DLGAP2: variants seen among roughly 807,000 people sequenced by gnomAD.
The protein encoded by DLGAP2 is disks large-associated protein 2.
A neutral mutation model predicts 100.3 loss-of-function variants in DLGAP2; 26 were observed. The observed-to-expected ratio is 0.26, with a 90% CI of 0.19 to 0.36. The LOEUF is 0.36. Among genes scored for constraint, DLGAP2 ranks in the 10% least tolerant of loss-of-function variants. The pLI is 1.00. For synonymous variants in DLGAP2, 886 were observed against 630.1 expected (o/e 1.41, Z -6.08); for missense variants, 1,858 against 1,453.2 (o/e 1.28, Z -4.53).
At chr8:884,649 G>C (rs1348897317) in intron 1 of DLGAP2, among the ~76,000 whole-genome samples, 1 of 151,452 alleles carries the variant, frequency 6.6e-6, no homozygotes, top group Non-Finnish European at 1.5e-5. Context: ...GATCCCATTT[G>C]CCAATTTTGG....
chr8:1,501,398 A>G lies in DLGAP2; in HGVS notation c.139A>G (p.Ile47Val). The G allele has an allele frequency of 1.3e-6, 2 of 1,535,822 alleles. No homozygotes were observed. The highest frequency in any genetic ancestry group is 1.7e-4 in the Middle Eastern group (1 of 5,984). ...EEAGDLVQPG[I>V]SFPGPAEEDL... Reference sequence around the variant, plus strand: ...AGCTGGAGACTTGGTCCAGCCGGGCATCAGCTTTCCGGGGCCGGCAGAGGA... The same window carrying G: ...AGCTGGAGACTTGGTCCAGCCGGGCGTCAGCTTTCCGGGGCCGGCAGAGGA... The change falls in exon 4 of 15, where the codon ATC (isoleucine) becomes GTC (valine). Residue 47 changes from isoleucine to valine, a missense_variant. By Grantham distance (29) the Ile-to-Val change is conservative. Transcript: ENST00000637795.
At chr8:810,908 G>A (rs1796358350) in intron 1 of DLGAP2, among the ~76,000 whole-genome samples, 1 of 152,216 alleles carries the variant, frequency 6.6e-6, no homozygotes, top group Admixed American at 6.5e-5. Context: ...TGTCAATGTT[G>A]ACATCTAGAG....
At chr8:1,320,486 C>T (rs1018834592) in intron 3 of DLGAP2, among the ~76,000 whole-genome samples, 4 of 152,122 alleles carry the variant, frequency 2.6e-5, no homozygotes, top group Non-Finnish European at 5.9e-5. Flanking sequence ...CATCAGGAGC[C>T]GGGCAGACGG....
chr8:866,847 A>G (rs1273299765), intron 1 of DLGAP2, among the ~76,000 whole-genome samples: 1 of 151,970 alleles, frequency 6.6e-6, no homozygotes, highest in East Asian at 1.9e-4. Flanking sequence ...GCTCCCTGTG[A>G]CTTGTTGGGA....
At chr8:1,092,353 C>T (rs1804213305) in intron 2 of DLGAP2, among the ~76,000 whole-genome samples, 1 of 152,224 alleles carries the variant, frequency 6.6e-6, no homozygotes, top group South Asian at 2.1e-4. Flanking sequence ...CACGTGGATG[C>T]GTAGGGTCCG....
intron 2 of DLGAP2, among the ~76,000 whole-genome samples, chr8:966,731 G>A (rs1041897560): frequency 2.0e-5 from 3 of 152,118 alleles, no homozygotes; most frequent in African/African-American, 7.2e-5. Context: ...CAAACACATA[G>A]AAGCAAATGG....
chr8:1,303,152 C>A (rs140502233), intron 3 of DLGAP2, among the ~76,000 whole-genome samples: 2 of 152,184 alleles, frequency 1.3e-5, no homozygotes, highest in Non-Finnish European at 2.9e-5. Context: ...AATCCCAGCA[C>A]TTTGGAAGGC....
At chr8:1,445,161 A>G (rs1469687453) in intron 3 of DLGAP2, among the ~76,000 whole-genome samples, 1 of 149,812 alleles carries the variant, frequency 6.7e-6, no homozygotes, top group Non-Finnish European at 1.5e-5. Context: ...ACATGTATAC[A>G]TGTGCCATGC....
chr8:1,168,909 G>T (rs9693308), intron 2 of DLGAP2, among the ~76,000 whole-genome samples: 42,617 of 85,376 alleles, frequency 0.5, 11,048 homozygotes, highest in African/African-American at 0.51. Context: ...GTCAATTTTG[G>T]CTTTTGTTGC....
Position 848,842 on chromosome 8 carries a change from T to G in DLGAP2, c.19-59070T>G, listed in dbSNP as rs951595164. 2.0e-5 allele frequency among the ~76,000 whole-genome samples: 3 copies of G among 148,530 alleles called. No individual in the cohort carries two copies. In the Admixed American group the frequency reaches 2.0e-4, roughly 10 times the overall value. On this transcript the variant is annotated intron_variant, in intron 1 of 14. Coordinates refer to ENST00000637795, the MANE Select transcript of DLGAP2 (RefSeq NM_001346810.2). ...GGGTTTGTTCCAGTCTAGGATCTTG[T>G]GATGTGTGTTCCAGCATAGGATCGC...
chr8:835,521 T>C (rs997694563), intron 1 of DLGAP2, among the ~76,000 whole-genome samples: 1 of 140,188 alleles, frequency 7.1e-6, no homozygotes, highest in Non-Finnish European at 1.5e-5. Flanking sequence ...CATTTCAGGG[T>C]TTTGGTGGTG....
At chr8:956,008 T>A (rs1232998797) in intron 2 of DLGAP2, among the ~76,000 whole-genome samples, 1 of 152,150 alleles carries the variant, frequency 6.6e-6, no homozygotes, top group African/African-American at 2.4e-5. Context: ...CCCTCTTCCT[T>A]CATAGCCCTC....
chr8:1,230,484 A>T (rs1166142097), intron 2 of DLGAP2, among the ~76,000 whole-genome samples: 1 of 152,162 alleles, frequency 6.6e-6, no homozygotes, highest in Non-Finnish European at 1.5e-5. Context: ...TACCAAAGTC[A>T]TTTTTCACAG....
chr8:1,167,023 C>G (rs1050271586), intron 2 of DLGAP2, among the ~76,000 whole-genome samples: 2 of 152,102 alleles, frequency 1.3e-5, no homozygotes, highest in African/African-American at 2.4e-5. Context: ...GTAGTCCCAG[C>G]TAATCTGTAG....
chr8:919,685 C>G (rs778348202), intron 2 of DLGAP2, among the ~76,000 whole-genome samples: 1 of 152,146 alleles, frequency 6.6e-6, no homozygotes, highest in Non-Finnish European at 1.5e-5. Context: ...GGAAACTGCA[C>G]CAGGGAAGAT....
intron 1 of DLGAP2, among the ~76,000 whole-genome samples, chr8:804,732 G>C (rs751779286): frequency 7.2e-5 from 11 of 152,160 alleles, no homozygotes; most frequent in Non-Finnish European, 1.3e-4. Flanking sequence ...CAAGGGCACT[G>C]GTTGTCCTAT....
chr8:1,302,869 G>T (rs17669618), intron 3 of DLGAP2, among the ~76,000 whole-genome samples: 99,042 of 152,238 alleles, frequency 0.65, 33,307 homozygotes, highest in African/African-American at 0.83. Flanking sequence ...TGTTCACAGC[G>T]CTTAGGTACT....
intron 3 of DLGAP2, among the ~76,000 whole-genome samples, chr8:1,412,034 A>G (rs1048564466): frequency 7.9e-5 from 12 of 152,134 alleles, no homozygotes; most frequent in African/African-American, 2.9e-4. Context: ...CCTGCTAGGG[A>G]TGTCCTGCCA....
chr8:866,426 C>G (rs139591999), intron 1 of DLGAP2, among the ~76,000 whole-genome samples: 2 of 152,222 alleles, frequency 1.3e-5, no homozygotes, highest in Admixed American at 6.5e-5. Context: ...GGGTCCAGGG[C>G]AGCATCTCCT....
Sources: gnomAD v4.1 joint callset for allele counts (sites outside exome capture counted in the v4.1 genomes callset) on GRCh38, gnomAD v4.1.1 for gene constraint, MANE v1.5 for transcripts, NCBI Gene and HGNC (gene_info 2026-07-23, HGNC 2026-07-21) for gene names.